Variants in PTK2 observed in about 807,000 individuals in gnomAD.
PTK2 encodes protein tyrosine kinase 2, also known as focal adhesion kinase 1.
A neutral mutation model predicts 150.1 loss-of-function variants in PTK2; 45 were observed. The ratio of observed to expected loss-of-function variants is 0.30; its 90% CI spans 0.24 to 0.38. The LOEUF is 0.38. Ranked by LOEUF, PTK2 falls within the 10% of genes least tolerant of loss-of-function variation. The pLI, the probability that PTK2 is intolerant of heterozygous loss-of-function variation, is 1.00. For missense variants in PTK2, 919 were observed against 1,307.3 expected (o/e 0.70, Z 4.58); for synonymous variants, 432 against 449.2 (o/e 0.96, Z 0.48).
intron 14 of PTK2, among the ~76,000 whole-genome samples, chr8:140,772,457 G>A (rs2100076028): frequency 6.6e-6 from 1 of 152,212 alleles, no homozygotes; most frequent in African/African-American, 2.4e-5. Flanking sequence ...GATGCACTGT[G>A]TGATGCAGGA....
At chr8:140,879,927 AC>A (rs1320905750) in intron 3 of PTK2, among the ~76,000 whole-genome samples, 10 of 152,110 alleles carry the variant, frequency 6.6e-5, no homozygotes, top group Non-Finnish European at 1.3e-4. Flanking sequence ...AGGCATGTAA[AC>A]TTAAAAACAC....
intron 12 of PTK2, among the ~76,000 whole-genome samples, chr8:140,794,581 C>A (rs972946985): frequency 2.6e-5 from 4 of 152,188 alleles, no homozygotes; most frequent in Non-Finnish European, 5.9e-5. Context: ...ACAGTTAGCA[C>A]TTAACACAGC....
At chr8:140,897,824 A>G (rs980432292) in intron 2 of PTK2, among the ~76,000 whole-genome samples, 2 of 152,230 alleles carry the variant, frequency 1.3e-5, no homozygotes, top group African/African-American at 2.4e-5. Flanking sequence ...CTAAATGAAA[A>G]AAGTCTTTTA....
intron 2 of PTK2, among the ~76,000 whole-genome samples, chr8:140,915,489 G>T (rs540163885): frequency 2.0e-5 from 3 of 152,266 alleles, no homozygotes; most frequent in Non-Finnish European, 4.4e-5. Context: ...CCCAAACCAG[G>T]ACACTTAGGA....
chr8:140,860,273 C>G (rs2100135281), intron 5 of PTK2, among the ~76,000 whole-genome samples: 1 of 152,098 alleles, frequency 6.6e-6, no homozygotes, highest in African/African-American at 2.4e-5. Context: ...TACATGTATG[C>G]ATACATGTGT....
intron 7 of PTK2, among the ~76,000 whole-genome samples, chr8:140,833,204 A>G (rs55924504): frequency 0.022 from 3,400 of 152,244 alleles, 135 homozygotes; most frequent in African/African-American, 0.079. Flanking sequence ...AAGGCTAATA[A>G]TTAGCATATA....
chr8:140,986,579 G>C (rs2100193324), intron 1 of PTK2, among the ~76,000 whole-genome samples: 1 of 152,168 alleles, frequency 6.6e-6, no homozygotes, highest in Non-Finnish European at 1.5e-5. Context: ...AGTGCAGAGA[G>C]GGGGAGACAG....
intron 5 of PTK2, among the ~76,000 whole-genome samples, chr8:140,862,509 A>G (rs2154605733): frequency 6.6e-6 from 1 of 152,252 alleles, no homozygotes; most frequent in Non-Finnish European, 1.5e-5. Context: ...ACTCCCTTTC[A>G]TATTCAACTC....
chr8:140,837,419 A>C (rs1055700292), intron 7 of PTK2, among the ~76,000 whole-genome samples: 2 of 152,232 alleles, frequency 1.3e-5, no homozygotes. Flanking sequence ...TAGTAGTAGT[A>C]CTAGTATAAC....
At chr8:140,846,223 C>T (rs758876706) in intron 7 of PTK2, 37 bp downstream of exon 7, 2 of 1,480,090 alleles carry the variant, frequency 1.4e-6, no homozygotes, top group South Asian at 2.5e-5. Flanking sequence ...TTTAGTTCTG[C>T]ATATTTGCAG....
At chr8:140,950,969 A>G (rs2100179366) in intron 1 of PTK2, among the ~76,000 whole-genome samples, 3 of 152,044 alleles carry the variant, frequency 2.0e-5, no homozygotes. Flanking sequence ...AATAATATAA[A>G]TAATATATAT....
intron 25 of PTK2, among the ~76,000 whole-genome samples, chr8:140,701,262 G>A (rs1207563419): frequency 6.6e-6 from 1 of 152,004 alleles, no homozygotes; most frequent in African/African-American, 2.4e-5. Context: ...CTATTTTAAA[G>A]AAATAACACA....
intron 2 of PTK2, among the ~76,000 whole-genome samples, chr8:140,918,095 G>T (rs2100166012): frequency 6.6e-6 from 1 of 152,230 alleles, no homozygotes. Flanking sequence ...GCTCATTTAA[G>T]CTGAGACCGA....
chr8:140,830,433 AT>A, intron 8 of PTK2, 38 bp downstream of exon 8: 1 of 1,358,172 alleles, frequency 7.4e-7, no homozygotes, highest in Admixed American at 2.3e-5. Flanking sequence ...TCTTGGCATA[AT>A]TTTGTTATTT....
chr8:140,751,929 A>G (rs1475068424), intron 17 of PTK2: 2 of 552,488 alleles, frequency 3.6e-6, no homozygotes, highest in Non-Finnish European at 7.1e-6. Context: ...TCTGGGCAGC[A>G]TCAACATTAG....
intron 1 of PTK2, among the ~76,000 whole-genome samples, chr8:140,979,057 C>T (rs2100190409): frequency 7.5e-6 from 1 of 132,744 alleles, no homozygotes; most frequent in Non-Finnish European, 1.5e-5. Flanking sequence ...GGGAATTGAA[C>T]AATGAGAACA....
At chr8:140,887,479 T>C (rs1360925589) in intron 3 of PTK2, among the ~76,000 whole-genome samples, 10 of 152,208 alleles carry the variant, frequency 6.6e-5, no homozygotes, top group Admixed American at 5.9e-4. Flanking sequence ...GTAAAAGCAC[T>C]AATACTTATT....
chr8:140,741,350 G>A (rs1030174929), intron 20 of PTK2, among the ~76,000 whole-genome samples: 4 of 151,748 alleles, frequency 2.6e-5, no homozygotes, highest in African/African-American at 7.3e-5. Context: ...AGCTACTCAG[G>A]AGGCTGCGGC....
chr8:140,842,511 T>A (rs754409464), intron 7 of PTK2, among the ~76,000 whole-genome samples: 4 of 152,074 alleles, frequency 2.6e-5, no homozygotes, highest in Non-Finnish European at 5.9e-5. Flanking sequence ...CAATCTCATA[T>A]ATAGGTAGGT....
Sources: gnomAD v4.1 joint callset for allele counts (sites outside exome capture counted in the v4.1 genomes callset) on GRCh38, gnomAD v4.1.1 for gene constraint, MANE v1.5 for transcripts, NCBI Gene and HGNC (gene_info 2026-07-23, HGNC 2026-07-21) for gene names.